ANKFN1: variants seen among roughly 807,000 people sequenced by gnomAD.
The protein encoded by ANKFN1 is ankyrin repeat and fibronectin type III domain containing 1.
Under a neutral mutation model 108.7 loss-of-function variants are expected in ANKFN1, and 74 were observed. That is an observed-to-expected ratio of 0.68 (90% CI 0.56 to 0.83). The LOEUF is 0.83. Among genes scored for constraint, ANKFN1 ranks in the 40% least tolerant of loss-of-function variants. ANKFN1 has a pLI of 0.00. For synonymous variants in ANKFN1, 547 were observed against 516.2 expected, an observed-to-expected ratio of 1.06 and a Z score of -0.81; for missense variants, 1,505 against 1,382.3, an observed-to-expected ratio of 1.09 and a Z score of -1.41.
intron 3 of ANKFN1, among the ~76,000 whole-genome samples, chr17:56,263,396 A>G (rs985429725): frequency 5.9e-5 from 9 of 152,246 alleles, no homozygotes; most frequent in Admixed American, 5.9e-4. Flanking sequence ...TAATGTATGT[A>G]CAATATACAA....
chr17:56,283,877 A>C (rs1052841130), intron 3 of ANKFN1, among the ~76,000 whole-genome samples: 3 of 152,148 alleles, frequency 2.0e-5, no homozygotes, highest in African/African-American at 4.8e-5. Context: ...CAGTTCCCCC[A>C]AAAACCTATG....
chr17:56,087,839 T>C (rs1905344702), intron 4 of ANKFN1, among the ~76,000 whole-genome samples: 1 of 151,392 alleles, frequency 6.6e-6, no homozygotes, highest in Non-Finnish European at 1.5e-5. Flanking sequence ...CAGGGTTAAG[T>C]AGTCACAACA....
At chr17:56,228,019 A>G in intron 3 of ANKFN1, 62 bp downstream of exon 3, 1 of 1,402,936 alleles carries the variant, frequency 7.1e-7, no homozygotes, top group South Asian at 1.3e-5. Context: ...AAAGCCTCCT[A>G]ATCTTTAAGG....
At position 56,278,130 on chromosome 17, in the gene ANKFN1, C is replaced by T. The variant is rs1286159171; in HGVS notation, c.54-48091C>T. Among the ~76,000 whole-genome samples, 4 of 152,186 alleles carry T rather than the reference C, an allele frequency of 2.6e-5. No homozygotes were observed. The East Asian group carries it at 7.7e-4, about 29-fold the overall frequency. Reference sequence around the variant, plus strand: ...ATAAAAGCCCCTTTGAATTACCTATCCACAACAATATCAGAATGATCAAAG... The same window carrying T: ...ATAAAAGCCCCTTTGAATTACCTATTCACAACAATATCAGAATGATCAAAG... On this transcript the variant is annotated intron_variant, in intron 3 of 20. Transcript: ENST00000682825.
intron 3 of ANKFN1, among the ~76,000 whole-genome samples, chr17:56,318,237 TC>T (rs1323403588): frequency 6.6e-6 from 1 of 152,038 alleles, no homozygotes; most frequent in Non-Finnish European, 1.5e-5. Flanking sequence ...AATTAATGGT[TC>T]TGGGGGGGGT....
At chr17:56,482,735 G>A in intron 18 of ANKFN1, 1 of 443,408 alleles carries the variant, frequency 2.3e-6, no homozygotes, top group Non-Finnish European at 3.8e-6. Flanking sequence ...CCTAGCAAAG[G>A]CCCAATGGAG....
At chr17:56,475,784 T>C (rs2050477896) in intron 15 of ANKFN1, among the ~76,000 whole-genome samples, 1 of 152,212 alleles carries the variant, frequency 6.6e-6, no homozygotes, top group South Asian at 2.1e-4. Flanking sequence ...CTCTTAGTTG[T>C]TTAACCCTTG....
chr17:56,092,544 G>A (rs1905439880), intron 4 of ANKFN1, among the ~76,000 whole-genome samples: 1 of 151,086 alleles, frequency 6.6e-6, no homozygotes, highest in Admixed American at 6.6e-5. Flanking sequence ...AAAGTGTTAG[G>A]ATTACAGGCG....
At chr17:56,054,234 G>A (rs539651912) in intron 4 of ANKFN1, among the ~76,000 whole-genome samples, 6 of 152,260 alleles carry the variant, frequency 3.9e-5, no homozygotes, top group Admixed American at 3.3e-4. Flanking sequence ...TGTACCCAAA[G>A]GAAAATAATT....
intron 20 of ANKFN1, among the ~76,000 whole-genome samples, chr17:56,506,107 C>T (rs781219733): frequency 2.0e-5 from 3 of 152,116 alleles, no homozygotes; most frequent in East Asian, 1.9e-4. Flanking sequence ...TACATGTGCA[C>T]GACGTGCAAG....
chr17:56,386,525 T>A (rs527493167), intron 8 of ANKFN1, among the ~76,000 whole-genome samples: 2 of 150,024 alleles, frequency 1.3e-5, no homozygotes, highest in African/African-American at 2.4e-5. Flanking sequence ...TTGGCTGCTT[T>A]ACTAAAATCT....
At chr17:56,173,473 A>G (rs1041044698) in intron 1 of ANKFN1, among the ~76,000 whole-genome samples, 2 of 152,122 alleles carry the variant, frequency 1.3e-5, no homozygotes, top group African/African-American at 4.8e-5. Context: ...CATAGAACTC[A>G]GCATGCGTCA....
At position 56,135,727 on chromosome 17, in the gene ANKFN1, GTT is replaced by G. The variant is rs1369319815; in HGVS notation, c.288+89403_288+89404del. ...TGTTTTGTGTTTCTCTTCCTCTGAA[GTT>G]ATTGATTAAGGGTTCTATTTACTCT... On this transcript the variant is annotated intron_variant, in intron 4 of 12. Transcript: ENST00000635860. Among the ~76,000 whole-genome samples, 317 of 152,264 alleles carry G rather than the reference GTT, an allele frequency of 2.1e-3. 3 individuals carry two copies. Among genetic ancestry groups the G allele is most frequent in the African/African-American group, 7.2e-3 (298 of 41,544 alleles).
intron 1 of ANKFN1, among the ~76,000 whole-genome samples, chr17:56,209,189 C>G (rs1914774151): frequency 6.6e-6 from 1 of 152,144 alleles, no homozygotes; most frequent in African/African-American, 2.4e-5. Context: ...AATACAAGAT[C>G]AAAGCCTGTG....
chr17:56,375,049 G>A (rs966636446), intron 8 of ANKFN1, among the ~76,000 whole-genome samples: 1 of 152,160 alleles, frequency 6.6e-6, no homozygotes, highest in African/African-American at 2.4e-5. Flanking sequence ...CTTGATCCAA[G>A]GATCTGAGGG....
intron 8 of ANKFN1, among the ~76,000 whole-genome samples, chr17:56,405,470 A>G (rs1002678774): frequency 1.3e-5 from 2 of 152,200 alleles, no homozygotes; most frequent in African/African-American, 4.8e-5. Context: ...TATGGAGAGT[A>G]GTTTGGCAAT....
chr17:56,353,349 G>C (rs2046295156), intron 5 of ANKFN1, among the ~76,000 whole-genome samples: 2 of 151,448 alleles, frequency 1.3e-5, no homozygotes, highest in South Asian at 4.2e-4. Flanking sequence ...TGATCCTCCT[G>C]CCTCAACCTC....
chr17:56,480,946 A>G (rs2050678187), intron 17 of ANKFN1, 128 bp downstream of exon 17: 1 of 1,117,532 alleles, frequency 8.9e-7, no homozygotes, highest in African/African-American at 1.6e-5. Context: ...CTTAAACACC[A>G]CTTTGCAAGT....
At chr17:56,370,115 A>C (rs1319812387) in intron 6 of ANKFN1, among the ~76,000 whole-genome samples, 1 of 152,164 alleles carries the variant, frequency 6.6e-6, no homozygotes, top group Non-Finnish European at 1.5e-5. Flanking sequence ...CGTCACCACT[A>C]TATTACATTA....
Sources: allele counts gnomAD v4.1 joint callset (sites outside exome capture counted in the v4.1 genomes callset), GRCh38; gene constraint gnomAD v4.1.1; transcripts MANE v1.5; gene names NCBI Gene and HGNC (gene_info 2026-07-23, HGNC 2026-07-21).